MAP2K5: variants seen among roughly 807,000 people sequenced by gnomAD.
MAP2K5 encodes dual specificity mitogen-activated protein kinase kinase 5.
Under a neutral mutation model 83.1 loss-of-function variants are expected in MAP2K5, and 49 were observed. That is an observed-to-expected ratio of 0.59 (90% confidence interval 0.47 to 0.75). The LOEUF is 0.75. MAP2K5 is among the 30% of genes least tolerant of loss of function. The probability of loss-of-function intolerance (pLI) is 0.00; values close to 1 mark genes in which losing one functional copy is unlikely to be tolerated. For synonymous variants in MAP2K5, 202 were observed against 191.8 expected, an observed-to-expected ratio of 1.05 and a Z score of -0.44; for missense variants, 457 against 557.5, an observed-to-expected ratio of 0.82 and a Z score of 1.82.
At chr15:67,589,967 A>G (rs2085362404) in intron 6 of MAP2K5, among the ~76,000 whole-genome samples, 1 of 152,194 alleles carries the variant, frequency 6.6e-6, no homozygotes, top group African/African-American at 2.4e-5. Flanking sequence ...TGCCTAGCAC[A>G]TGGTCATCAC....
intron 12 of MAP2K5, among the ~76,000 whole-genome samples, chr15:67,663,230 C>T (rs1053423718): frequency 2.0e-5 from 3 of 152,172 alleles, no homozygotes; most frequent in Admixed American, 6.5e-5. Flanking sequence ...CTGTTATCTA[C>T]TCAACAGCCC....
rs184795686 is a variant in MAP2K5, at chr15:67,736,933, C to T, written c.1074+8988C>T. Among the ~76,000 whole-genome samples the T allele has an allele frequency of 2.5e-4, 38 of 152,304 alleles. No individual in the cohort carries two copies. The highest frequency in any genetic ancestry group is 9.1e-4 in the African/African-American group (38 of 41,548). On this transcript the variant is annotated intron_variant, in intron 17 of 21. Transcript: ENST00000178640. The surrounding 1 kb of genome is among the most constrained non-coding windows in gnomAD (Gnocchi z 4.3). ...GATCTTACAATGATCTAGTCCAACT[C>T]TTAGATTACAGATGAGGAAATAGGA... is the stretch of plus-strand genomic sequence containing the variant.
At chr15:67,687,533 T>A (rs138424226) in intron 13 of MAP2K5, among the ~76,000 whole-genome samples, 144 of 152,314 alleles carry the variant, frequency 9.5e-4, no homozygotes, top group Non-Finnish European at 1.6e-3. Context: ...GTCTTACTCA[T>A]GTTTCTCTCC....
intron 13 of MAP2K5, among the ~76,000 whole-genome samples, chr15:67,672,294 T>C (rs2087559838): frequency 6.6e-6 from 1 of 151,826 alleles, no homozygotes; most frequent in Non-Finnish European, 1.5e-5. Context: ...GTAAAAGTGT[T>C]CCTATTTCTC....
At chr15:67,549,318 G>A in intron 1 of MAP2K5, 1 of 927,356 alleles carries the variant, frequency 1.1e-6, no homozygotes, top group Non-Finnish European at 1.6e-6. Context: ...ACCCTTTTTA[G>A]ATTTTTGTTG....
rs1371691947 is a variant in MAP2K5, at chr15:67,717,642, A to G, written c.1045-10274A>G. ...TGGGTCAGGAATCCTAGCAAGGCCC[A>G]GCCATTCTATGTAGCATCAAAAGCC... On this transcript the variant is annotated intron_variant, in intron 16 of 21. Coordinates refer to ENST00000178640, the MANE Select transcript of MAP2K5 (RefSeq NM_145160.3). This position sits in a 1 kb window ranked among gnomAD's most constrained non-coding sequence, Gnocchi z 4.1. Among the ~76,000 whole-genome samples, 2 of 152,224 alleles carry G rather than the reference A, an allele frequency of 1.3e-5. No homozygotes were observed. Among genetic ancestry groups the G allele is most frequent in the African/African-American group, 4.8e-5 (2 of 41,468 alleles).
intron 16 of MAP2K5, among the ~76,000 whole-genome samples, chr15:67,721,417 C>T (rs2088957274): frequency 6.6e-6 from 1 of 152,140 alleles, no homozygotes; most frequent in Admixed American, 6.6e-5. Flanking sequence ...TGATGGGACC[C>T]TCACATTTAG....
chr15:67,731,740 G>T (rs1237680493), intron 17 of MAP2K5, among the ~76,000 whole-genome samples: 1 of 152,180 alleles, frequency 6.6e-6, no homozygotes, highest in Non-Finnish European at 1.5e-5. Context: ...GGTACAGTTA[G>T]GTCTAGGACT....
Position 67,722,727 on chromosome 15 carries a change from C to T in MAP2K5, c.1045-5189C>T, listed in dbSNP as rs2141242145. ...GTTAAGTCTGATTTTTTAAAGTTTC[C>T]CTGTGTCTGAGTGTTCCAAAGTGGC... On this transcript the variant is annotated intron_variant, in intron 16 of 21. Coordinates refer to ENST00000178640, the MANE Select transcript of MAP2K5 (RefSeq NM_145160.3). The surrounding 1 kb of genome is among the most constrained non-coding windows in gnomAD (Gnocchi z 4.2). 6.6e-6 allele frequency among the ~76,000 whole-genome samples: 1 copy of T among 152,112 alleles called. No homozygotes were observed.
intron 16 of MAP2K5, among the ~76,000 whole-genome samples, chr15:67,705,402 G>A (rs1478663303): frequency 6.6e-6 from 1 of 152,028 alleles, no homozygotes; most frequent in East Asian, 1.9e-4. Context: ...AACTAAATAT[G>A]TAATTTGTCA....
At position 67,749,382 on chromosome 15, in the gene MAP2K5, C is replaced by T. The variant is rs745739742; in HGVS notation, c.1134+781C>T. On this transcript the variant is annotated intron_variant, in intron 19 of 21. Transcript: ENST00000178640. The surrounding 1 kb of genome is among the most constrained non-coding windows in gnomAD (Gnocchi z 4.6). ...TGAGATTTTTGGGGCTTGGGTTTGC[C>T]TACTAGCAATGTTTATTTTTTAAAC... Among the ~76,000 whole-genome samples the T allele has an allele frequency of 6.6e-6, 1 of 152,094 alleles. No individual in the cohort carries two copies. Among genetic ancestry groups the T allele is most frequent in the Non-Finnish European group, 1.5e-5 (1 of 68,026 alleles).
chr15:67,636,293 A>G lies in MAP2K5; in HGVS notation c.585+5366A>G, dbSNP rs1360411694. On this transcript the variant is annotated intron_variant, in intron 9 of 21. Transcript: ENST00000178640. The surrounding 1 kb of genome is among the most constrained non-coding windows in gnomAD (Gnocchi z 4.7). Reference sequence around the variant, plus strand: ...CGTGGTGTCGGGCGCTTGTAGTCCCAGCTACTCAGGAGGCTGAAGCAGGAG... The same window carrying G: ...CGTGGTGTCGGGCGCTTGTAGTCCCGGCTACTCAGGAGGCTGAAGCAGGAG... 6.6e-6 allele frequency among the ~76,000 whole-genome samples: 1 copy of G among 152,144 alleles called. No homozygotes were observed. The highest frequency in any genetic ancestry group is 1.5e-5 in the Non-Finnish European group (1 of 68,024).
At chr15:67,547,670 T>G (rs778207674) in intron 1 of MAP2K5, among the ~76,000 whole-genome samples, 60 of 152,134 alleles carry the variant, frequency 3.9e-4, no homozygotes, top group Non-Finnish European at 3.4e-4. Context: ...TTGGCCAGGC[T>G]GGTCTTGAAC....
chr15:67,778,788 G>C lies in MAP2K5; in HGVS notation c.1242+6036G>C, dbSNP rs2141314642. 6.6e-6 allele frequency among the ~76,000 whole-genome samples: 1 copy of C among 152,244 alleles called. No homozygotes were observed. The highest frequency in any genetic ancestry group is 1.9e-4 in the East Asian group (1 of 5,184). ...CCAAAGATAAGTTTCGGTTTACTTT[G>C]ATCCGGGGCTTACCTGTGCCCTGAG... On this transcript the variant is annotated intron_variant, in intron 21 of 21. Coordinates refer to ENST00000178640, the MANE Select transcript of MAP2K5 (RefSeq NM_145160.3). This position sits in a 1 kb window ranked among gnomAD's most constrained non-coding sequence, Gnocchi z 5.0.
intron 17 of MAP2K5, among the ~76,000 whole-genome samples, chr15:67,745,714 A>G (rs1400102654): frequency 6.6e-6 from 1 of 152,240 alleles, no homozygotes; most frequent in African/African-American, 2.4e-5. Context: ...ATCTAACTCT[A>G]TGGTCTATGT....
intron 3 of MAP2K5, among the ~76,000 whole-genome samples, chr15:67,579,252 C>T (rs1240557693): frequency 6.6e-6 from 1 of 152,090 alleles, no homozygotes; most frequent in African/African-American, 2.4e-5. Context: ...CCATGGAAAC[C>T]TCAAATACTT....
In MAP2K5 at chr15:67,780,043, A is replaced by C. The variant is rs17244601; in HGVS notation, c.1242+7291A>C. On this transcript the variant is annotated intron_variant, in intron 21 of 21. Coordinates refer to ENST00000178640, the MANE Select transcript of MAP2K5 (RefSeq NM_145160.3). This position sits in a 1 kb window ranked among gnomAD's most constrained non-coding sequence, Gnocchi z 5.0. ...CCCTGCGGCTTTTCCCTACTCTTCG[A>C]CTTTACAGTTGCTTGCTTCCTTCTC... 0.12 allele frequency among the ~76,000 whole-genome samples: 17,833 copies of C among 152,092 alleles called. 1,305 individuals carry two copies. Among genetic ancestry groups the C allele is most frequent in the Non-Finnish European group, 0.14 (9,843 of 67,948 alleles).
intron 7 of MAP2K5, among the ~76,000 whole-genome samples, chr15:67,596,988 G>C (rs1244370328): frequency 6.6e-6 from 1 of 151,930 alleles, no homozygotes; most frequent in Non-Finnish European, 1.5e-5. Context: ...TGGCTAACAT[G>C]GTGAAACCCC....
At chr15:67,800,663 T>C (rs1423872000) in intron 21 of MAP2K5, among the ~76,000 whole-genome samples, 2 of 152,240 alleles carry the variant, frequency 1.3e-5, no homozygotes, top group Non-Finnish European at 2.9e-5. Context: ...TCAAACCTTA[T>C]GGGAACTGAC....
Sources: allele counts gnomAD v4.1 joint callset (sites outside exome capture counted in the v4.1 genomes callset), GRCh38; gene constraint gnomAD v4.1.1; non-coding constraint Gnocchi (gnomAD v3.1); transcripts MANE v1.5; gene names NCBI Gene and HGNC (gene_info 2026-07-23, HGNC 2026-07-21).